ACAN: variants seen among roughly 807,000 people sequenced by gnomAD.
The protein encoded by ACAN is aggrecan core protein.
Under a neutral mutation model 169.1 loss-of-function variants are expected in ACAN, and 47 were observed. That is an observed-to-expected ratio of 0.28 (90% CI 0.22 to 0.35). The LOEUF (loss-of-function observed/expected upper bound fraction) is 0.35. Ranked by LOEUF, ACAN falls within the 10% of genes least tolerant of loss-of-function variation. The probability of loss-of-function intolerance (pLI) is 1.00; values close to 1 mark genes in which losing one functional copy is unlikely to be tolerated. For synonymous variants in ACAN, 1,115 were observed against 1,112.2 expected (o/e 1.00, Z -0.05); for missense variants, 2,716 against 2,759.9 (o/e 0.98, Z 0.36).
rs1428316927 is a variant in ACAN at position 88,851,056 on chromosome 15, A to G, written c.2027-738A>G. On this transcript the variant is annotated intron_variant, in intron 10 of 18. Transcript: ENST00000560601. The surrounding 1 kb of genome is among the most constrained non-coding windows in gnomAD (Gnocchi z 4.3). Reference sequence around the variant, plus strand: ...CCAGTGCCCCTTCCCTGCTCTGGGAAGCAGAAACCAAGCCAGTTAACCTCC... The same window carrying G: ...CCAGTGCCCCTTCCCTGCTCTGGGAGGCAGAAACCAAGCCAGTTAACCTCC... The G allele has an allele frequency of 6.6e-6, 1 of 152,110 alleles. No homozygotes were observed. Among genetic ancestry groups the G allele is most frequent in the African/African-American group, 2.4e-5 (1 of 41,386 alleles). The allele number at this position is 152,110 out of a possible 1,614,324, so 9.4% of individuals were successfully genotyped here.
rs1173683791 is a variant in ACAN at position 88,807,103 on chromosome 15, T to G, written c.-8+3294T>G. On this transcript the variant is annotated intron_variant, in intron 1 of 18. Transcript: ENST00000560601. The surrounding 1 kb of genome is among the most constrained non-coding windows in gnomAD (Gnocchi z 4.0). The stretch of plus-strand genomic sequence containing the variant: ...CTCAGAAATTTCAGCATTGTGGCCC[T>G]AGGTGGCAGGTGCTGGGGCATCCTT... Among the ~76,000 whole-genome samples the G allele has an allele frequency of 6.6e-6, 1 of 152,164 alleles. No individual in the cohort carries two copies. The highest frequency in any genetic ancestry group is 2.4e-5 in the African/African-American group (1 of 41,426).
At chr15:88,835,946 C>T (rs1368846933) in intron 1 of ACAN, among the ~76,000 whole-genome samples, 2 of 152,212 alleles carry the variant, frequency 1.3e-5, no homozygotes, top group Non-Finnish European at 2.9e-5. Flanking sequence ...TCAGATGAGA[C>T]TTCACTGGCT....
chr15:88,836,285 A>T lies in ACAN; in HGVS notation c.70+9A>T, dbSNP rs185836629. 470 of 1,609,986 alleles carry T rather than the reference A, an allele frequency of 2.9e-4. No homozygotes were observed. Among genetic ancestry groups the T allele is most frequent in the South Asian group, 4.4e-4 (40 of 90,658 alleles). ...CACTGTAGAAACTTCAGGTGAGGACATTCCTATACATGTTTCACGTATTCA... is the reference window on the plus strand; with the variant it reads ...CACTGTAGAAACTTCAGGTGAGGACTTTCCTATACATGTTTCACGTATTCA... On this transcript the variant is annotated intron_variant, in intron 2 of 18. Coordinates refer to ENST00000560601, the MANE Select transcript of ACAN (RefSeq NM_001369268.1).
intron 1 of ACAN, among the ~76,000 whole-genome samples, chr15:88,810,318 C>T (rs1425890033): frequency 6.6e-6 from 1 of 152,106 alleles, no homozygotes; most frequent in Non-Finnish European, 1.5e-5. Context: ...TGGCTCTGTC[C>T]CTCCATGTCC....
chr15:88,830,858 A>C (rs552177960), intron 1 of ACAN, among the ~76,000 whole-genome samples: 1 of 152,296 alleles, frequency 6.6e-6, no homozygotes, highest in South Asian at 2.1e-4. Flanking sequence ...AAGTAATTGC[A>C]CTATGACGCT....
In ACAN at chr15:88,838,182, G is replaced by C. The variant is rs1287629504; in HGVS notation, c.71-481G>C. Among the ~76,000 whole-genome samples, 1 of 152,098 alleles carries C rather than the reference G, an allele frequency of 6.6e-6. No homozygotes were observed. The highest frequency in any genetic ancestry group is 1.5e-5 in the Non-Finnish European group (1 of 68,016). ...AAAATCAGGCTCGCACCCAAAAGCAGACCTCCCCAAATGGGACACATCTTA... is the reference window on the plus strand; with the variant it reads ...AAAATCAGGCTCGCACCCAAAAGCACACCTCCCCAAATGGGACACATCTTA... On this transcript the variant is annotated intron_variant, in intron 2 of 18. Coordinates refer to ENST00000560601, the MANE Select transcript of ACAN (RefSeq NM_001369268.1). This position sits in a 1 kb window ranked among gnomAD's most constrained non-coding sequence, Gnocchi z 5.1.
At chr15:88,834,843 G>C (rs146495208) in intron 1 of ACAN, among the ~76,000 whole-genome samples, 1 of 152,312 alleles carries the variant, frequency 6.6e-6, no homozygotes, top group African/African-American at 2.4e-5. Context: ...CTGAGGTCCA[G>C]GCTGAAGCCC....
chr15:88,815,657 A>T (rs1403093820), intron 1 of ACAN, among the ~76,000 whole-genome samples: 1 of 25,462 alleles, frequency 3.9e-5, no homozygotes, highest in African/African-American at 1.1e-4. Flanking sequence ...TGCACTGATT[A>T]AAAAAAAAAA....
In ACAN at chr15:88,866,701, C is replaced by T. The variant is rs376731725; in HGVS notation, c.6947-1515C>T. On this transcript the variant is annotated intron_variant, in intron 13 of 18. Transcript: ENST00000560601. This position sits in a 1 kb window ranked among gnomAD's most constrained non-coding sequence, Gnocchi z 5.6. Reference sequence around the variant, plus strand: ...TTTCAGGCCACCTGTTGCACAAATCCGCCTCTGGCCTAGAAGATGTCTACT... The same window carrying T: ...TTTCAGGCCACCTGTTGCACAAATCTGCCTCTGGCCTAGAAGATGTCTACT... Among the ~76,000 whole-genome samples, 14 of 152,218 alleles carry T rather than the reference C, an allele frequency of 9.2e-5. No homozygotes were observed. The East Asian group carries it at 1.7e-3, about 19-fold the overall frequency.
intron 1 of ACAN, among the ~76,000 whole-genome samples, chr15:88,833,529 T>G (rs1433262411): frequency 2.0e-5 from 3 of 152,158 alleles, no homozygotes; most frequent in African/African-American, 7.2e-5. Context: ...GTCAGTCTTC[T>G]CGCATAAAAG....
intron 1 of ACAN, among the ~76,000 whole-genome samples, chr15:88,825,532 C>A (rs1896192873): frequency 6.6e-6 from 1 of 152,142 alleles, no homozygotes; most frequent in Non-Finnish European, 1.5e-5. Context: ...TTCTAGTGTA[C>A]CATGTTATCT....
chr15:88,824,761 C>T (rs1896168341), intron 1 of ACAN, among the ~76,000 whole-genome samples: 1 of 152,064 alleles, frequency 6.6e-6, no homozygotes, highest in Non-Finnish European at 1.5e-5. Context: ...CACCTGTAAT[C>T]CCAGCTACTT....
chr15:88,848,599 A>C (rs1467331572), intron 9 of ACAN, among the ~76,000 whole-genome samples: 2 of 151,874 alleles, frequency 1.3e-5, no homozygotes, highest in Non-Finnish European at 2.9e-5. Flanking sequence ...AACTTCCTTA[A>C]CTCTCTTTAA....
In ACAN at chr15:88,866,205, C is replaced by T. The variant is rs1897278326; in HGVS notation, c.6947-2011C>T. On this transcript the variant is annotated intron_variant, in intron 13 of 18. Coordinates refer to ENST00000560601, the MANE Select transcript of ACAN (RefSeq NM_001369268.1). This position sits in a 1 kb window ranked among gnomAD's most constrained non-coding sequence, Gnocchi z 5.6. ...CCTGACCTCCGCTGGGGTGTCTTTCCTTTCCTGCCCTTTCTCCCATGGGCA... is the reference window on the plus strand; with the variant it reads ...CCTGACCTCCGCTGGGGTGTCTTTCTTTTCCTGCCCTTTCTCCCATGGGCA... 6.6e-6 allele frequency among the ~76,000 whole-genome samples: 1 copy of T among 152,134 alleles called. No homozygotes were observed. The highest frequency in any genetic ancestry group is 1.5e-5 in the Non-Finnish European group (1 of 68,034).
chr15:88,847,584 G>A (rs998714704), intron 8 of ACAN, among the ~76,000 whole-genome samples, 167 bp downstream of exon 8: 9 of 152,190 alleles, frequency 5.9e-5, no homozygotes, highest in African/African-American at 1.7e-4. Context: ...GAAGGGCACC[G>A]AGTAATGTTC....
chr15:88,817,420 G>C (rs549480397), intron 1 of ACAN, among the ~76,000 whole-genome samples: 1 of 152,100 alleles, frequency 6.6e-6, no homozygotes, highest in East Asian at 1.9e-4. Context: ...GGGATTATAG[G>C]CATGAGCCAC....
chr15:88,841,999 C>A (rs574041356), intron 5 of ACAN, 132 bp downstream of exon 5: 4 of 1,253,708 alleles, frequency 3.2e-6, no homozygotes, highest in Non-Finnish European at 4.5e-6. Context: ...TCCTCCTCTG[C>A]CATGAAGGGA....
rs1172878260 is a variant in ACAN, at chr15:88,814,316, C to T, written c.-8+10507C>T. Among the ~76,000 whole-genome samples the T allele has an allele frequency of 2.6e-5, 4 of 152,238 alleles. No individual in the cohort carries two copies. Among genetic ancestry groups the T allele is most frequent in the South Asian group, 2.1e-4 (1 of 4,830 alleles). ...GTAACTGCTGTAAATCATGAACATT[C>T]CCAGACCCGTTCCTGGTATCTCTGA... On this transcript the variant is annotated intron_variant, in intron 1 of 18. Coordinates refer to ENST00000560601, the MANE Select transcript of ACAN (RefSeq NM_001369268.1). The surrounding 1 kb of genome is among the most constrained non-coding windows in gnomAD (Gnocchi z 4.0).
At position 88,869,840 on chromosome 15, in the gene ACAN, C is replaced by T. The variant is rs73458255; in HGVS notation, c.7060+1511C>T. 0.02 allele frequency among the ~76,000 whole-genome samples: 3,064 copies of T among 152,248 alleles called. 110 individuals are homozygous for T. The highest frequency in any genetic ancestry group is 0.07 in the African/African-American group (2,907 of 41,528). ...TGCCTTGGCTCTGTCCCTGTTACCT[C>T]TTTCAGTCTGGAATTGTTTCTGTTT... On this transcript the variant is annotated intron_variant, in intron 14 of 18. Coordinates refer to ENST00000560601, the MANE Select transcript of ACAN (RefSeq NM_001369268.1). This position sits in a 1 kb window ranked among gnomAD's most constrained non-coding sequence, Gnocchi z 4.2.
Sources: gnomAD v4.1 joint callset for allele counts (sites outside exome capture counted in the v4.1 genomes callset) on GRCh38, gnomAD v4.1.1 for gene constraint, Gnocchi (gnomAD v3.1) non-coding constraint, MANE v1.5 for transcripts, NCBI Gene and HGNC (gene_info 2026-07-23, HGNC 2026-07-21) for gene names.